The following GUCY1A1 variants were observed in gnomAD, a reference collection of about 807,000 sequenced individuals.
GUCY1A1 encodes guanylate cyclase 1 soluble subunit alpha 1.
In GUCY1A1, 48 loss-of-function variants were observed where a neutral mutation model predicts 64.5. The ratio of observed to expected loss-of-function variants is 0.74; its 90% CI spans 0.59 to 0.95. GUCY1A1 has a LOEUF of 0.95. Among genes scored for constraint, GUCY1A1 ranks in the 40% least tolerant of loss-of-function variants. The pLI, the probability that GUCY1A1 is intolerant of heterozygous loss-of-function variation, is 0.00. For missense variants in GUCY1A1, 804 were observed against 825.3 expected, an observed-to-expected ratio of 0.97 and a Z score of 0.32; for synonymous variants, 308 against 303.4, an observed-to-expected ratio of 1.02 and a Z score of -0.16.
At chr4:155,703,313 G>A (rs1252661176) in intron 3 of GUCY1A1, among the ~76,000 whole-genome samples, 1 of 152,086 alleles carries the variant, frequency 6.6e-6, no homozygotes, top group Non-Finnish European at 1.5e-5. Context: ...TAAACCCAAG[G>A]CTCATTTCAA....
chr4:155,726,152 TG>T (rs1364885818), intron 9 of GUCY1A1, among the ~76,000 whole-genome samples: 1 of 152,028 alleles, frequency 6.6e-6, no homozygotes, highest in Non-Finnish European at 1.5e-5. Context: ...TTTTTCCTTT[TG>T]TATTGATTTC....
At chr4:155,721,991 A>G (rs758461872) in intron 8 of GUCY1A1, 47 bp from the exon 9 acceptor site, 2 of 1,252,554 alleles carry the variant, frequency 1.6e-6, no homozygotes, top group South Asian at 1.2e-5. Context: ...ACGAGTAGGA[A>G]GTGTTTTACC....
At chr4:155,713,632 G>A (rs762425668) in intron 7 of GUCY1A1, 49 bp downstream of exon 7, 11 of 1,582,816 alleles carry the variant, frequency 6.9e-6, no homozygotes, top group Admixed American at 1.7e-5. Context: ...ACTCACTGGG[G>A]AACAAGCACT....
chr4:155,719,298 A>C (rs1464027994), intron 8 of GUCY1A1, among the ~76,000 whole-genome samples: 1 of 152,288 alleles, frequency 6.6e-6, no homozygotes, highest in Admixed American at 6.5e-5. Flanking sequence ...TGACGTCCCT[A>C]AAAGATACCG....
rs1732844359 is a variant in GUCY1A1, at chr4:155,713,425, G to T, written c.1414G>T (p.Val472Leu). The T allele has an allele frequency of 4.3e-6, 7 of 1,614,060 alleles. No individual in the cohort carries two copies. The highest frequency in any genetic ancestry group is 5.9e-6 in the Non-Finnish European group (7 of 1,180,032). ...TCAGCAGCTGTGGCAAGGGCAAGTT[G>T]TGCAAGCCAAGAAGTTCAGTAATGT... ...VAQQLWQGQV[V>L]QAKKFSNVTM... Residue 472 changes from valine (V) to leucine (L), a missense_variant, in exon 7 of 10, where the codon GTG (valine) becomes TTG (leucine). Val to Leu is a conservative substitution (Grantham distance 32). Coordinates refer to ENST00000506455, the MANE Select transcript of GUCY1A1 (RefSeq NM_001130682.3).
At chr4:155,706,840 A>G (rs539552546) in intron 4 of GUCY1A1, among the ~76,000 whole-genome samples, 2 of 152,374 alleles carry the variant, frequency 1.3e-5, no homozygotes, top group East Asian at 1.9e-4. Flanking sequence ...ACTCATCACT[A>G]TCAGAAATCA....
chr4:155,721,946 G>A (rs140033273), intron 8 of GUCY1A1, 92 bp from the exon 9 acceptor site: 2 of 900,596 alleles, frequency 2.2e-6, no homozygotes, highest in East Asian at 2.4e-5. Flanking sequence ...GAGGGTGAAT[G>A]GTAAAATAAT....
chr4:155,729,996 C>T (rs370252000), intron 9 of GUCY1A1, 34 bp from the exon 10 acceptor site: 26 of 1,298,962 alleles, frequency 2.0e-5, no homozygotes, highest in Non-Finnish European at 2.7e-5. Flanking sequence ...AGTGGACAAA[C>T]ATTTATGTCA....
chr4:155,674,877 A>T (rs569326774), intron 2 of GUCY1A1, among the ~76,000 whole-genome samples: 1 of 151,796 alleles, frequency 6.6e-6, no homozygotes, highest in East Asian at 1.9e-4. Context: ...CTTTATTATC[A>T]CTATCGAGTT....
chr4:155,695,310 A>C (rs1430365755), intron 2 of GUCY1A1, among the ~76,000 whole-genome samples: 1 of 152,078 alleles, frequency 6.6e-6, no homozygotes, highest in African/African-American at 2.4e-5. Flanking sequence ...GCTGTTGCTT[A>C]TGGGAACATA....
chr4:155,710,639 C>A lies in GUCY1A1; in HGVS notation c.474C>A (p.Thr158=). The A allele has an allele frequency of 1.2e-6, 2 of 1,613,364 alleles. No individual in the cohort carries two copies. The highest frequency in any genetic ancestry group is 1.7e-6 in the Non-Finnish European group (2 of 1,179,514). ...ACATCCTTGGGGTGGTTGGAGGCACCCTTAAAGATTTTTTAAACAGCTTCA... is the reference window on the plus strand; with the variant it reads ...ACATCCTTGGGGTGGTTGGAGGCACACTTAAAGATTTTTTAAACAGCTTCA... ...DENILGVVGG[T]LKDFLNSFST... is the part of the protein sequence containing the mutation. Residue 158 remains threonine, a synonymous_variant, in exon 6 of 10, where the codon ACC becomes ACA. Transcript: ENST00000506455.
chr4:155,700,963 T>C (rs565215835), intron 3 of GUCY1A1, among the ~76,000 whole-genome samples: 1 of 152,294 alleles, frequency 6.6e-6, no homozygotes, highest in Admixed American at 6.5e-5. Context: ...CCTGAAGTGG[T>C]TGATTTTATG....
In GUCY1A1 at chr4:155,711,255, A is replaced by G; in HGVS notation, c.1086+4A>G. 1 of 1,416,658 alleles carries G rather than the reference A, an allele frequency of 7.1e-7. No individual in the cohort carries two copies. Among genetic ancestry groups the G allele is most frequent in the African/African-American group, 1.4e-5 (1 of 71,148 alleles). The allele number at this position is 1,416,658 out of a possible 1,614,324, so 87.8% of individuals were successfully genotyped here. A position where few individuals can be genotyped will look rare whatever the true frequency, so the allele number is the denominator to read the frequency against. On this transcript the variant is annotated splice_donor_region_variant and intron_variant, in intron 6 of 9. Transcript: ENST00000506455. ...CTCTGTGAAAAAATCTTCAAGGGTAAGGAAAACATAATACTATCTTGAATA... is the reference window on the plus strand; with the variant it reads ...CTCTGTGAAAAAATCTTCAAGGGTAGGGAAAACATAATACTATCTTGAATA...
intron 2 of GUCY1A1, among the ~76,000 whole-genome samples, chr4:155,668,724 G>C (rs2126468535): frequency 6.6e-6 from 1 of 152,238 alleles, no homozygotes; most frequent in East Asian, 1.9e-4. Context: ...ATTATGTACA[G>C]TGGTAAAAAG....
chr4:155,684,383 G>C (rs536041727), intron 2 of GUCY1A1, among the ~76,000 whole-genome samples: 1 of 10,262 alleles, frequency 9.7e-5, no homozygotes, highest in Admixed American at 2.1e-3. Context: ...GTTTGTGTTG[G>C]AATTTGCCAC....
At chr4:155,687,940 A>C (rs1171154987) in intron 2 of GUCY1A1, among the ~76,000 whole-genome samples, 3 of 151,980 alleles carry the variant, frequency 2.0e-5, no homozygotes, top group Admixed American at 6.6e-5. Context: ...TCACCATTAC[A>C]GGGCCGGGTG....
chr4:155,713,427 G>T lies in GUCY1A1; in HGVS notation c.1416G>T (p.Val472=), dbSNP rs561073452. 1.9e-6 allele frequency: 3 copies of T among 1,614,144 alleles called. No individual in the cohort carries two copies. The African/African-American group carries it at 4.0e-5, about 22-fold the overall frequency. ...AGCAGCTGTGGCAAGGGCAAGTTGT[G>T]CAAGCCAAGAAGTTCAGTAATGTCA... ...VAQQLWQGQV[V]QAKKFSNVTM... The change falls in exon 7 of 10, where the codon GTG becomes GTT. Residue 472 remains valine, a synonymous_variant. Coordinates refer to ENST00000506455, the MANE Select transcript of GUCY1A1 (RefSeq NM_001130682.3).
At chr4:155,726,566 A>C (rs1165222728) in intron 9 of GUCY1A1, among the ~76,000 whole-genome samples, 3 of 151,980 alleles carry the variant, frequency 2.0e-5, no homozygotes, top group South Asian at 4.1e-4. Flanking sequence ...TCTGTTTAAT[A>C]TTGAATGTAG....
At chr4:155,717,137 A>G (rs754998975) in intron 7 of GUCY1A1, 22 bp from the exon 8 acceptor site, 15 of 1,370,288 alleles carry the variant, frequency 1.1e-5, no homozygotes, top group South Asian at 3.9e-5. Context: ...TATTTATAGT[A>G]TGGAAAATAT....
Sources: allele counts gnomAD v4.1 joint callset (sites outside exome capture counted in the v4.1 genomes callset), GRCh38; gene constraint gnomAD v4.1.1; transcripts MANE v1.5; gene names NCBI Gene and HGNC (gene_info 2026-07-23, HGNC 2026-07-21).